Variants in EPB41L1 observed in about 807,000 individuals in gnomAD.
EPB41L1 encodes the protein band 4.1-like protein 1.
A neutral mutation model predicts 97.8 loss-of-function variants in EPB41L1; 29 were observed. That is an observed-to-expected ratio of 0.30 (90% CI 0.22 to 0.40). EPB41L1 has a LOEUF of 0.40. EPB41L1 is among the 10% of genes least tolerant of loss of function. The probability of loss-of-function intolerance (pLI) is 1.00; values close to 1 mark genes in which losing one functional copy is unlikely to be tolerated. For missense variants in EPB41L1, 812 were observed against 1,162.3 expected, an observed-to-expected ratio of 0.70 and a Z score of 4.38; for synonymous variants, 383 against 459.2, an observed-to-expected ratio of 0.83 and a Z score of 2.12.
intron 2 of EPB41L1, among the ~76,000 whole-genome samples, chr20:36,149,304 A>G (rs2059954408): frequency 6.6e-6 from 1 of 152,212 alleles, no homozygotes; most frequent in Non-Finnish European, 1.5e-5. Context: ...ACTACACTAG[A>G]TACGTATGGA....
intron 16 of EPB41L1, among the ~76,000 whole-genome samples, chr20:36,213,247 A>G (rs1386509594): frequency 6.6e-6 from 1 of 152,042 alleles, no homozygotes; most frequent in Admixed American, 6.5e-5. Flanking sequence ...AAAATACAAA[A>G]ATTAGCTGGG....
intron 13 of EPB41L1, chr20:36,197,553 TG>T: frequency 1.2e-6 from 1 of 833,944 alleles, no homozygotes; most frequent in Non-Finnish European, 1.4e-6. Context: ...CCCAGACCTG[TG>T]GGCTTTGGGT....
At chr20:36,135,453 T>C (rs1192148944) in intron 2 of EPB41L1, among the ~76,000 whole-genome samples, 1 of 152,214 alleles carries the variant, frequency 6.6e-6, no homozygotes, top group Non-Finnish European at 1.5e-5. Context: ...ATCCCCCCTC[T>C]GCTCACCATC....
In EPB41L1 at chr20:36,207,827, T is replaced by C. The variant is rs2062912900; in HGVS notation, c.1669-1661T>C. On this transcript the variant is annotated intron_variant, in intron 14 of 21. Transcript: ENST00000338074. The surrounding 1 kb of genome is among the most constrained non-coding windows in gnomAD (Gnocchi z 4.9). Reference sequence around the variant, plus strand: ...CGCCCCCACCGCTGCTCCCCGCCCATGGGGGCTGGCCGCATGCTCTGTAGT... The same window carrying C: ...CGCCCCCACCGCTGCTCCCCGCCCACGGGGGCTGGCCGCATGCTCTGTAGT... 2 of 1,262,522 alleles carry C rather than the reference T, an allele frequency of 1.6e-6. No individual in the cohort carries two copies. Among genetic ancestry groups the C allele is most frequent in the African/African-American group, 1.5e-5 (1 of 65,206 alleles). The allele number at this position is 1,262,522 out of a possible 1,614,324, so 78.2% of individuals were successfully genotyped here.
chr20:36,202,531 C>T (rs904969595), intron 14 of EPB41L1, among the ~76,000 whole-genome samples: 7 of 152,054 alleles, frequency 4.6e-5, no homozygotes, highest in Non-Finnish European at 7.4e-5. Flanking sequence ...TGGTGGCTCA[C>T]GCCTGTAATT....
At chr20:36,141,662 T>C (rs1459753607) in intron 2 of EPB41L1, among the ~76,000 whole-genome samples, 1 of 152,198 alleles carries the variant, frequency 6.6e-6, no homozygotes. Flanking sequence ...TATAAATATG[T>C]TTACACATAT....
At chr20:36,100,112 C>T (rs1189313016) in intron 1 of EPB41L1, among the ~76,000 whole-genome samples, 2 of 152,224 alleles carry the variant, frequency 1.3e-5, no homozygotes. Flanking sequence ...TGGCATTTCT[C>T]AGCAGGTCCT....
At chr20:36,125,706 G>A (rs1471677615) in intron 2 of EPB41L1, among the ~76,000 whole-genome samples, 1 of 152,160 alleles carries the variant, frequency 6.6e-6, no homozygotes, top group African/African-American at 2.4e-5. Context: ...TATTGACCAG[G>A]AGCTGGCACT....
chr20:36,152,214 GAAT>G (rs1020230425), upstream of EPB41L1: 5 of 152,152 alleles, frequency 3.3e-5, no homozygotes, highest in African/African-American at 4.8e-5. Flanking sequence ...AAATGTTAGT[GAAT>G]AATAATAATA....
chr20:36,139,358 G>A (rs1382309449), intron 2 of EPB41L1, among the ~76,000 whole-genome samples: 5 of 152,102 alleles, frequency 3.3e-5, no homozygotes, highest in African/African-American at 1.2e-4. Flanking sequence ...AATTTGTTTC[G>A]AGTTTTATAA....
intron 2 of EPB41L1, among the ~76,000 whole-genome samples, chr20:36,135,421 G>A (rs1311482550): frequency 2.0e-5 from 3 of 152,188 alleles, no homozygotes; most frequent in Admixed American, 6.5e-5. Flanking sequence ...TAAGCATGAG[G>A]TCAGGAGTCA....
rs756356779 is a variant in EPB41L1, at chr20:36,197,974, G to A, written c.1601G>A (p.Arg534Gln). 30 of 1,613,958 alleles carry A rather than the reference G, an allele frequency of 1.9e-5. 1 individual carries two copies. Among genetic ancestry groups the A allele is most frequent in the Admixed American group, 1.8e-4 (11 of 60,002 alleles). Residue 534 changes from arginine (R) to glutamine (Q), a missense_variant, in exon 14 of 22, where the codon CGG becomes CAG. Arg to Gln is a conservative substitution (Grantham distance 43, BLOSUM62 1). Around this residue, in one of 3 missense-constraint regions of EPB41L1, gnomAD observed 498 missense variants for 622.7 expected, o/e 0.80. Transcript: ENST00000338074. ...KLIHRDRDWE[R>Q]ERRLPSSPAS... ...ATCCACCGGGATCGAGACTGGGAAC[G>A]GGAGCGCAGGCTGCCCTCCTCCCCC...
chr20:36,188,384 C>G lies in EPB41L1; in HGVS notation c.911C>G (p.Ala304Gly). The change falls in exon 9 of 22, where the codon GCC becomes GGC. Residue 304 changes from alanine (A) to glycine (G), a missense_variant. This residue lies in a region of EPB41L1 where 230 missense variants were observed against 445.2 expected (regional missense o/e 0.52). Coordinates refer to ENST00000338074, the MANE Select transcript of EPB41L1 (RefSeq NM_012156.2). ...ATCGACATCATGTTAGGCGTTTGTG[C>G]CAATGGCCTGCTCATCTACCGGGAC... is the stretch of plus-strand genomic sequence containing the variant. Reference protein sequence around the residue: ...EGIDIMLGVCANGLLIYRDRL... With the variant: ...EGIDIMLGVCGNGLLIYRDRL... The G allele has an allele frequency of 1.2e-6, 2 of 1,613,908 alleles. No homozygotes were observed. Among genetic ancestry groups the G allele is most frequent in the Non-Finnish European group, 1.7e-6 (2 of 1,180,004 alleles).
chr20:36,206,573 G>A lies in EPB41L1; in HGVS notation c.1669-2915G>A, dbSNP rs1320670237. On this transcript the variant is annotated intron_variant, in intron 14 of 21. Coordinates refer to ENST00000338074, the MANE Select transcript of EPB41L1 (RefSeq NM_012156.2). This position sits in a 1 kb window ranked among gnomAD's most constrained non-coding sequence, Gnocchi z 5.5. ...GATGCCCCTCCCGGAGGTGAGCCCA[G>A]GCCGACGCTGAATTCCTTAGACCTG... 3.1e-6 allele frequency: 4 copies of A among 1,289,866 alleles called. No homozygotes were observed. Among genetic ancestry groups the A allele is most frequent in the Non-Finnish European group, 4.0e-6 (4 of 988,888 alleles). 79.9% of individuals were successfully genotyped at this position (1,289,866 alleles called of 1,614,324 possible). A position where few individuals can be genotyped will look rare whatever the true frequency, so the allele number is the denominator to read the frequency against.
chr20:36,204,471 C>CTTTTTTTTTTTTTTTTTT (rs765673962), intron 14 of EPB41L1, among the ~76,000 whole-genome samples: 10 of 90,602 alleles, frequency 1.1e-4, no homozygotes, highest in African/African-American at 5.8e-4. Context: ...CGATCTGGTG[C>CTTTTTTTTTTTTTTTTTT]TTTTTTTTTT....
At chr20:36,103,563 G>C (rs899430753) in intron 1 of EPB41L1, among the ~76,000 whole-genome samples, 2 of 152,174 alleles carry the variant, frequency 1.3e-5, no homozygotes, top group South Asian at 4.1e-4. Context: ...GGGATGACAA[G>C]TCTACTGGGG....
intron 21 of EPB41L1, among the ~76,000 whole-genome samples, chr20:36,224,982 C>G (rs2064024546): frequency 6.6e-6 from 1 of 152,098 alleles, no homozygotes; most frequent in Non-Finnish European, 1.5e-5. Flanking sequence ...CTACCACACC[C>G]AACTAATTTT....
intron 2 of EPB41L1, among the ~76,000 whole-genome samples, chr20:36,130,790 TCTC>T (rs2059168774): frequency 2.1e-5 from 3 of 141,988 alleles, no homozygotes; most frequent in Admixed American, 7.0e-5. Context: ...TAAAAATTTC[TCTC>T]TCTCTCTCTC....
intron 19 of EPB41L1, among the ~76,000 whole-genome samples, chr20:36,221,360 T>C (rs1391559708): frequency 6.6e-6 from 1 of 152,254 alleles, no homozygotes; most frequent in Non-Finnish European, 1.5e-5. Context: ...ATTTCATTCA[T>C]GTGTTCATTC....
Sources: gnomAD v4.1 joint callset for allele counts (sites outside exome capture counted in the v4.1 genomes callset) on GRCh38, gnomAD v4.1.1 for gene constraint, gnomAD v4.1.1 regional missense constraint, Gnocchi (gnomAD v3.1) non-coding constraint, MANE v1.5 for transcripts, NCBI Gene and HGNC (gene_info 2026-07-23, HGNC 2026-07-21) for gene names.